FKBP5: variants seen among roughly 807,000 people sequenced by gnomAD.
FKBP5 encodes the protein FKBP prolyl isomerase 5, also known as peptidyl-prolyl cis-trans isomerase FKBP5.
FKBP5 carries 23 observed loss-of-function variants against 50.5 expected under a neutral mutation model. That is an observed-to-expected ratio of 0.46 (90% CI 0.33 to 0.65). The LOEUF (loss-of-function observed/expected upper bound fraction) is 0.65, where lower values mean the gene tolerates loss of function less well. FKBP5 is among the 30% of genes least tolerant of loss of function. FKBP5 has a pLI of 0.02. For synonymous variants in FKBP5, 176 were observed against 190.6 expected, an observed-to-expected ratio of 0.92 and a Z score of 0.63; for missense variants, 411 against 553.1, an observed-to-expected ratio of 0.74 and a Z score of 2.58.
intron 2 of FKBP5, among the ~76,000 whole-genome samples, chr6:35,707,210 GA>G (rs1766331331): frequency 7.5e-6 from 1 of 132,582 alleles, no homozygotes; most frequent in Admixed American, 8.6e-5. Flanking sequence ...GTAAGTATGA[GA>G]AGACTTTTTT....
At chr6:35,681,235 T>C (rs571574799) in intron 1 of FKBP5, among the ~76,000 whole-genome samples, 1 of 152,342 alleles carries the variant, frequency 6.6e-6, no homozygotes, top group African/African-American at 2.4e-5. Context: ...TGAGTAAATG[T>C]ATATAACAAT....
At chr6:35,692,869 A>G (rs1581890180), upstream of FKBP5, among the ~76,000 whole-genome samples, 1 of 150,816 alleles carries the variant, frequency 6.6e-6, no homozygotes, top group South Asian at 2.1e-4. Flanking sequence ...ACCTTTGAAT[A>G]GTTTTTCCTC....
chr6:35,594,928 A>G lies in FKBP5; in HGVS notation c.665+2320T>C, dbSNP rs563836293. Among the ~76,000 whole-genome samples, 19 of 152,350 alleles carry G rather than the reference A, an allele frequency of 1.2e-4. No individual in the cohort carries two copies. The East Asian group carries it at 3.3e-3, about 26-fold the overall frequency. On this transcript the variant is annotated intron_variant, in intron 6 of 10. Transcript: ENST00000357266. ...TGAAAAGATCTGAAAGATTGATCTC[A>G]TGTTAAACAGGATTTCCTTTTTCTT...
chr6:35,585,057 T>C (rs1426106279), intron 8 of FKBP5: 2 of 985,328 alleles, frequency 2.0e-6, no homozygotes, highest in East Asian at 1.1e-4. Context: ...TCCAAAATTC[T>C]GTATCATAGC....
Position 35,611,977 on chromosome 6 carries a change from A to T in FKBP5, c.508+7119T>A, listed in dbSNP as rs983268516. Reference sequence around the variant, plus strand: ...CCTTGAGAAATGTGATTTAGATAAGATTACTATTAAGATATATCATTAATT... The same window carrying T: ...CCTTGAGAAATGTGATTTAGATAAGTTTACTATTAAGATATATCATTAATT... On this transcript the variant is annotated intron_variant, in intron 5 of 10. Coordinates refer to ENST00000357266, the MANE Select transcript of FKBP5 (RefSeq NM_004117.4). 2.0e-5 allele frequency among the ~76,000 whole-genome samples: 3 copies of T among 152,286 alleles called. No homozygotes were observed. The East Asian group carries it at 5.8e-4, about 29-fold the overall frequency.
At position 35,620,113 on chromosome 6, in the gene FKBP5, A is replaced by G; in HGVS notation, c.393+19T>C. ...TTGTAGAGCAGATGCTGACAAGGCA[A>G]CATCACACACATACTTGCCTCAAAA... is the stretch of plus-strand genomic sequence containing the variant. On this transcript the variant is annotated intron_variant, in intron 4 of 10. Transcript: ENST00000357266. The G allele has an allele frequency of 6.2e-7, 1 of 1,614,048 alleles. No homozygotes were observed. Among genetic ancestry groups the G allele is most frequent in the African/African-American group, 1.3e-5 (1 of 75,036 alleles).
rs61139697 is a variant in FKBP5 at position 35,606,659 on chromosome 6, C to CAAAAAAA, written c.509-9262_509-9256dup. ...TGGGCAACAGAATGAGACTCCGTCTCAAAAAAAAAAAAAAAAAAAAAAAAA... is the reference window on the plus strand; with the variant it reads ...TGGGCAACAGAATGAGACTCCGTCTCAAAAAAAAAAAAAAAAAAAAAAAAAAAAAAAA... On this transcript the variant is annotated intron_variant, in intron 5 of 10. Coordinates refer to ENST00000357266, the MANE Select transcript of FKBP5 (RefSeq NM_004117.4). Among the ~76,000 whole-genome samples the CAAAAAAA allele has an allele frequency of 1.0e-3, 26 of 25,132 alleles. 2 individuals carry two copies. Among genetic ancestry groups the CAAAAAAA allele is most frequent in the South Asian group, 2.6e-3 (1 of 388 alleles). 16.5% of individuals were successfully genotyped at this position (25,132 alleles called of 152,430 possible).
chr6:35,651,230 A>C, intron 1 of FKBP5, among the ~76,000 whole-genome samples: 1 of 152,248 alleles, frequency 6.6e-6, no homozygotes. Flanking sequence ...GAAGATAAGA[A>C]GGAATTTTCA....
At chr6:35,673,073 A>G (rs906273823) in intron 1 of FKBP5, among the ~76,000 whole-genome samples, 4 of 152,222 alleles carry the variant, frequency 2.6e-5, no homozygotes, top group African/African-American at 9.6e-5. Context: ...ACATTATATA[A>G]GAGAAAAAAT....
At chr6:35,723,435 G>A (rs543325489) in intron 1 of FKBP5, among the ~76,000 whole-genome samples, 41 of 152,222 alleles carry the variant, frequency 2.7e-4, no homozygotes, top group Non-Finnish European at 5.0e-4. Context: ...GGCATAGGGC[G>A]TGGAGGTAGG....
intron 1 of FKBP5, among the ~76,000 whole-genome samples, chr6:35,646,580 A>C (rs1417510640): frequency 1.3e-5 from 2 of 152,238 alleles, no homozygotes; most frequent in Non-Finnish European, 2.9e-5. Flanking sequence ...AAAGACAGTA[A>C]GGACAGACAA....
upstream of FKBP5, among the ~76,000 whole-genome samples, chr6:35,689,105 A>G (rs1230327013): frequency 6.6e-6 from 1 of 152,074 alleles, no homozygotes; most frequent in Non-Finnish European, 1.5e-5. Flanking sequence ...CCCCGCCCCC[A>G]TCATTTGCTC....
At chr6:35,672,259 G>A (rs1490765563) in intron 1 of FKBP5, among the ~76,000 whole-genome samples, 6 of 151,974 alleles carry the variant, frequency 3.9e-5, no homozygotes, top group South Asian at 2.1e-4. Context: ...ATCAGAAAAG[G>A]GGGGAAAAAA....
At chr6:35,615,143 A>AC (rs1289256529) in intron 5 of FKBP5, among the ~76,000 whole-genome samples, 18 of 115,912 alleles carry the variant, frequency 1.6e-4, no homozygotes, top group African/African-American at 5.9e-4. Flanking sequence ...CAACAACAAC[A>AC]ACAACAACAA....
intron 3 of FKBP5, among the ~76,000 whole-genome samples, chr6:35,632,860 G>T (rs1489155404): frequency 6.6e-6 from 1 of 150,692 alleles, no homozygotes; most frequent in Non-Finnish European, 1.5e-5. Flanking sequence ...TTGCACTCCA[G>T]CTTGGGCAAC....
In FKBP5 at chr6:35,574,898, A is replaced by C. The variant is rs1410211756; in HGVS notation, c.*937T>G. On this transcript the variant is annotated 3_prime_UTR_variant, in exon 11 of 11. Coordinates refer to ENST00000357266, the MANE Select transcript of FKBP5 (RefSeq NM_004117.4). ...ACTCCAGGTCAAAAATATTGTAAGC[A>C]CAAGTCTTAAATTCTTAATAGCAAG... The C allele has an allele frequency of 6.6e-6, 1 of 152,518 alleles. No homozygotes were observed. The highest frequency in any genetic ancestry group is 1.9e-4 in the East Asian group (1 of 5,200). The allele number at this position is 152,518 out of a possible 1,614,324, so 9.4% of individuals were successfully genotyped here. A position where few individuals can be genotyped will look rare whatever the true frequency, so the allele number is the denominator to read the frequency against.
At chr6:35,615,124 AAACAACAAC>A (rs534273489) in intron 5 of FKBP5, among the ~76,000 whole-genome samples, 5 of 148,314 alleles carry the variant, frequency 3.4e-5, no homozygotes, top group East Asian at 2.0e-4. Context: ...ACTCTGTCGC[AAACAACAAC>A]AACAACAACA....
intron 1 of FKBP5, among the ~76,000 whole-genome samples, chr6:35,679,058 G>T (rs1254568962): frequency 6.6e-6 from 1 of 152,162 alleles, no homozygotes; most frequent in Admixed American, 6.5e-5. Flanking sequence ...ATTTCAACCT[G>T]AGCAACAAGT....
At chr6:35,627,301 T>C (rs892384703) in intron 3 of FKBP5, among the ~76,000 whole-genome samples, 8 of 152,288 alleles carry the variant, frequency 5.3e-5, no homozygotes, top group East Asian at 1.9e-4. Flanking sequence ...TTCAAGCCCT[T>C]TGCCCAGTTT....
Sources: gnomAD v4.1 joint callset for allele counts (sites outside exome capture counted in the v4.1 genomes callset) on GRCh38, gnomAD v4.1.1 for gene constraint, MANE v1.5 for transcripts, NCBI Gene and HGNC (gene_info 2026-07-23, HGNC 2026-07-21) for gene names.